MTMR8: variants seen among roughly 807,000 people sequenced by gnomAD.
MTMR8 encodes myotubularin related protein 8.
In MTMR8, 65 loss-of-function variants were observed where a neutral mutation model predicts 39.3. The observed-to-expected ratio is 1.65, with a 90% CI of 1.35 to 2.03. The LOEUF (loss-of-function observed/expected upper bound fraction) is 2.03. MTMR8 is among the 30% of genes most tolerant of loss of function. MTMR8 has a pLI of 0.00. For synonymous variants in MTMR8, 245 were observed against 185.2 expected (o/e 1.32, Z -2.62); for missense variants, 777 against 538.9 (o/e 1.44, Z -4.37).
intron 12 of MTMR8, among the ~76,000 whole-genome samples, chrX:64,308,320 ATTTTTTTT>A (rs778962275): frequency 2.9e-5 from 2 of 69,608 alleles, no homozygotes; most frequent in East Asian, 4.2e-4. Flanking sequence ...ACGGCTGGCT[ATTTTTTTT>A]TTTTTTTTTT....
At chrX:64,284,806 C>A (rs948819434) in intron 12 of MTMR8, among the ~76,000 whole-genome samples, 8 of 111,878 alleles carry the variant, frequency 7.2e-5, no homozygotes, top group East Asian at 2.8e-4. Flanking sequence ...GCCTGCCCTA[C>A]AAGAGCTCCT....
intron 1 of MTMR8, among the ~76,000 whole-genome samples, chrX:64,386,416 G>A (rs1012190338): frequency 6.3e-5 from 7 of 111,758 alleles, no homozygotes; most frequent in Non-Finnish European, 1.3e-4. Context: ...AAACAGTTAA[G>A]TGAAAAGCCA....
chrX:64,343,330 C>A (rs1646270455), intron 8 of MTMR8, among the ~76,000 whole-genome samples: 1 of 111,692 alleles, frequency 9.0e-6, no homozygotes, highest in South Asian at 3.8e-4. Flanking sequence ...ATCATATGTT[C>A]ATTTTTCCAG....
chrX:64,390,914 T>C (rs1407403054), intron 1 of MTMR8, among the ~76,000 whole-genome samples: 2 of 112,004 alleles, frequency 1.8e-5, no homozygotes, highest in Non-Finnish European at 3.8e-5. Context: ...CATCTGGGGC[T>C]CCCAAAATGT....
chrX:64,362,471 GAAAAAAAAAAAAAAAAAAAAAA>G (rs760545171), intron 1 of MTMR8, among the ~76,000 whole-genome samples: 68 of 5,502 alleles, frequency 0.012, 4 homozygotes, highest in African/African-American at 0.038. Context: ...TACTATTGCA[GAAAAAAAAAAAAAAAAAAAAAA>G]AAAAAAAAAC....
intron 1 of MTMR8, among the ~76,000 whole-genome samples, chrX:64,374,038 T>C (rs1156628224): frequency 3.6e-5 from 4 of 112,179 alleles, no homozygotes; most frequent in Non-Finnish European, 7.5e-5. Context: ...TAATTCTTTT[T>C]TGAATGCCTA....
chrX:64,389,670 T>C (rs1924646139), intron 1 of MTMR8, among the ~76,000 whole-genome samples: 1 of 111,912 alleles, frequency 8.9e-6, no homozygotes, highest in Non-Finnish European at 1.9e-5. Flanking sequence ...GGCTGATCTT[T>C]GACACCTCCC....
At chrX:64,368,889 C>G (rs1050842996) in intron 1 of MTMR8, among the ~76,000 whole-genome samples, 3 of 112,109 alleles carry the variant, frequency 2.7e-5, no homozygotes, top group African/African-American at 9.7e-5. Context: ...CCAGAATCTA[C>G]AAATAATTTA....
At chrX:64,370,502 A>C (rs1344938432) in intron 1 of MTMR8, among the ~76,000 whole-genome samples, 1 of 111,756 alleles carries the variant, frequency 8.9e-6, no homozygotes, top group Non-Finnish European at 1.9e-5. Context: ...AGTGTGACAA[A>C]TTATGTAGGC....
intron 1 of MTMR8, among the ~76,000 whole-genome samples, chrX:64,378,112 ACTT>A (rs902322588): frequency 8.9e-6 from 1 of 111,829 alleles, no homozygotes; most frequent in Non-Finnish European, 1.9e-5. Flanking sequence ...AGTCAATTAA[ACTT>A]CTTTTCTTCA....
intron 2 of MTMR8, among the ~76,000 whole-genome samples, chrX:64,359,203 G>A (rs992653898): frequency 8.1e-5 from 9 of 110,865 alleles, no homozygotes; most frequent in Non-Finnish European, 1.5e-4. Flanking sequence ...AGAATAAAAT[G>A]ACTATGATGA....
At chrX:64,327,975 C>A (rs1041861163) in intron 12 of MTMR8, among the ~76,000 whole-genome samples, 3 of 111,729 alleles carry the variant, frequency 2.7e-5, no homozygotes, top group Non-Finnish European at 1.9e-5. Flanking sequence ...ATATGTAGTA[C>A]AATTATTGTG....
At chrX:64,311,907 C>T (rs1922316195) in intron 12 of MTMR8, among the ~76,000 whole-genome samples, 1 of 109,943 alleles carries the variant, frequency 9.1e-6, no homozygotes, top group Non-Finnish European at 1.9e-5. Context: ...GTTACTGTAG[C>T]CTTGTAGAAT....
intron 12 of MTMR8, among the ~76,000 whole-genome samples, chrX:64,300,846 G>C (rs1472147535): frequency 3.7e-5 from 4 of 108,740 alleles, no homozygotes. Flanking sequence ...AGCTTAGTTT[G>C]GCTGGATATG....
intron 12 of MTMR8, among the ~76,000 whole-genome samples, chrX:64,288,165 A>C (rs554308358): frequency 2.7e-5 from 3 of 109,655 alleles, no homozygotes; most frequent in African/African-American, 9.9e-5. Flanking sequence ...TTACAAGAAA[A>C]AACGAACAAC....
At chrX:64,360,214 A>G (rs1296891180) in intron 1 of MTMR8, 1 of 149,625 alleles carries the variant, frequency 6.7e-6, no homozygotes, top group African/African-American at 3.2e-5. Context: ...CTGACTAAAT[A>G]GAATTTACGT....
chrX:64,349,182 A>G (rs1923420743), intron 5 of MTMR8, among the ~76,000 whole-genome samples: 1 of 112,027 alleles, frequency 8.9e-6, no homozygotes, highest in Non-Finnish European at 1.9e-5. Flanking sequence ...AAGATAGAGC[A>G]AAGATCTACA....
intron 12 of MTMR8, among the ~76,000 whole-genome samples, chrX:64,296,636 T>G (rs1921600042): frequency 9.4e-6 from 1 of 105,899 alleles, no homozygotes; most frequent in South Asian, 4.5e-4. Flanking sequence ...TTGTGCAGGT[T>G]AGTTACATAT....
intron 12 of MTMR8, among the ~76,000 whole-genome samples, chrX:64,312,624 A>T: frequency 8.9e-6 from 1 of 112,862 alleles, no homozygotes; most frequent in Non-Finnish European, 1.9e-5. Flanking sequence ...TGGCATCTAG[A>T]ATAGTGAATT....
Sources: allele counts gnomAD v4.1 joint callset (sites outside exome capture counted in the v4.1 genomes callset), GRCh38; gene constraint gnomAD v4.1.1; transcripts MANE v1.5; gene names NCBI Gene and HGNC (gene_info 2026-07-23, HGNC 2026-07-21).